RAB20: variants seen among roughly 807,000 people sequenced by gnomAD.
The protein encoded by RAB20 is RAB20, member RAS oncogene family, also known as ras-related protein Rab-20.
In RAB20, 2 loss-of-function variants were observed where a neutral mutation model predicts 3.7. The ratio of observed to expected loss-of-function variants is 0.54; its 90% CI spans 0.22 to 1.69. The LOEUF (loss-of-function observed/expected upper bound fraction) is 1.69. Ranked by LOEUF, RAB20 falls within the 40% of genes most tolerant of loss-of-function variation. The pLI, the probability that RAB20 is intolerant of heterozygous loss-of-function variation, is 0.19. For missense variants in RAB20, 276 were observed against 311.9 expected (o/e 0.88, Z 0.87); for synonymous variants, 126 against 130.8 (o/e 0.96, Z 0.25).
At chr13:110,530,493 A>G (rs113125202) in intron 1 of RAB20, among the ~76,000 whole-genome samples, 594 of 36,280 alleles carry the variant, frequency 0.016, 70 homozygotes, top group Middle Eastern at 0.065. Context: ...ACCCTGGGGA[A>G]GTAGGTCCCA....
intron 1 of RAB20, among the ~76,000 whole-genome samples, chr13:110,544,440 G>A (rs1884817878): frequency 6.6e-6 from 1 of 152,188 alleles, no homozygotes; most frequent in African/African-American, 2.4e-5. Flanking sequence ...TGTAAAAAAT[G>A]CCATTGGAAT....
At chr13:110,534,353 G>A (rs763540029) in intron 1 of RAB20, among the ~76,000 whole-genome samples, 5 of 152,194 alleles carry the variant, frequency 3.3e-5, no homozygotes, top group Non-Finnish European at 7.3e-5. Context: ...GATGGAGGCT[G>A]TCTGCAAAGC....
intron 1 of RAB20, among the ~76,000 whole-genome samples, chr13:110,532,676 C>CTAATT (rs1555335394): frequency 1.3e-5 from 2 of 150,518 alleles, no homozygotes; most frequent in African/African-American, 4.9e-5. Context: ...CACGCCCAGC[C>CTAATT]TATTTAATTA....
chr13:110,559,545 G>C (rs184608686), intron 1 of RAB20, among the ~76,000 whole-genome samples: 1 of 152,330 alleles, frequency 6.6e-6, no homozygotes, highest in African/African-American at 2.4e-5. Flanking sequence ...GGCAAGGGCC[G>C]CCTGAGTGTG....
intron 1 of RAB20, among the ~76,000 whole-genome samples, chr13:110,549,043 C>T (rs34667541): frequency 1.3e-5 from 2 of 152,196 alleles, no homozygotes; most frequent in East Asian, 1.9e-4. Context: ...TAGGACACTA[C>T]CCTGACTTCC....
intron 1 of RAB20, among the ~76,000 whole-genome samples, chr13:110,556,079 T>TC (rs1300620350): frequency 1.3e-5 from 2 of 152,172 alleles, no homozygotes; most frequent in African/African-American, 4.8e-5. Context: ...GCCCCTTTCT[T>TC]CCCTTATTAC....
intron 1 of RAB20, among the ~76,000 whole-genome samples, chr13:110,539,653 G>A (rs1055836786): frequency 1.2e-4 from 18 of 150,138 alleles, no homozygotes; most frequent in Middle Eastern, 6.8e-3. Flanking sequence ...TCCGCTTCCC[G>A]GGCTCAAGCG....
At chr13:110,538,619 GAAAGAAAAGA>G (rs148188599) in intron 1 of RAB20, among the ~76,000 whole-genome samples, 23 of 117,918 alleles carry the variant, frequency 2.0e-4, no homozygotes, top group Admixed American at 7.4e-4. Flanking sequence ...AAAAAAAAAA[GAAAGAAAAGA>G]AAAGAAAAGA....
At chr13:110,533,988 A>G (rs908642305) in intron 1 of RAB20, among the ~76,000 whole-genome samples, 1 of 152,164 alleles carries the variant, frequency 6.6e-6, no homozygotes, top group Non-Finnish European at 1.5e-5. Flanking sequence ...CCAGAGAGCC[A>G]ATGGCTTGCC....
At chr13:110,540,090 G>A (rs1884731391) in intron 1 of RAB20, among the ~76,000 whole-genome samples, 1 of 152,234 alleles carries the variant, frequency 6.6e-6, no homozygotes, top group African/African-American at 2.4e-5. Context: ...CTTCAGACAT[G>A]AATGTACTAA....
intron 1 of RAB20, among the ~76,000 whole-genome samples, chr13:110,552,723 A>G (rs1238252601): frequency 6.7e-6 from 1 of 149,848 alleles, no homozygotes; most frequent in Non-Finnish European, 1.5e-5. Flanking sequence ...AAATAAATAA[A>G]TAAATAAATA....
Position 110,557,366 on chromosome 13 carries a change from G to A in RAB20, c.172+3982C>T, listed in dbSNP as rs145546302. 9.9e-5 allele frequency among the ~76,000 whole-genome samples: 15 copies of A among 152,228 alleles called. No individual in the cohort carries two copies. The East Asian group carries it at 1.4e-3, about 14-fold the overall frequency. ...CAGATAGGATGAGGGAAGAATTGTC[G>A]AACAAAGAGGAGCAGGACTTGGTGA... On this transcript the variant is annotated intron_variant, in intron 1 of 1. Transcript: ENST00000267328.
At chr13:110,538,170 T>C (rs1185454694) in intron 1 of RAB20, among the ~76,000 whole-genome samples, 1 of 140,206 alleles carries the variant, frequency 7.1e-6, no homozygotes, top group African/African-American at 2.7e-5. Context: ...GCCTGGGAGG[T>C]CAAGGCTGCA....
Position 110,561,354 on chromosome 13 carries a change from T to A in RAB20, c.166A>T (p.Thr56Ser). ...CATGCGGCGCCGGCCTCACCTGCGG[T>A]GTCCCAGATGGAGATGTTGTAGGAG... The part of the protein sequence containing the change: ...WRSYNISIWD[T>S]AGREQFHGLG... The change falls in exon 1 of 2, where the codon ACC becomes TCC. Residue 56 changes from threonine to serine, a missense_variant. Coordinates refer to ENST00000267328, the MANE Select transcript of RAB20 (RefSeq NM_017817.3). 1 of 1,601,422 alleles carries A rather than the reference T, an allele frequency of 6.2e-7. No homozygotes were observed. Among genetic ancestry groups the A allele is most frequent in the Non-Finnish European group, 8.5e-7 (1 of 1,174,712 alleles).
chr13:110,523,723 G>GT lies in RAB20; in HGVS notation c.646dup (p.Thr216AsnfsTer8). The GT allele has an allele frequency of 6.2e-7, 1 of 1,614,212 alleles. No individual in the cohort carries two copies. The highest frequency in any genetic ancestry group is 8.5e-7 in the Non-Finnish European group (1 of 1,180,040). ...TGGCTTATGACTGGATATATCCACT[G>GT]TGTGTGACGGCCTCTCAGCTCTCTG... On this transcript the variant is annotated frameshift_variant, in exon 2 of 2. Coordinates refer to ENST00000267328, the MANE Select transcript of RAB20 (RefSeq NM_017817.3). LOFTEE classifies it high-confidence loss of function.
At chr13:110,536,558 A>T (rs2139579141) in intron 1 of RAB20, among the ~76,000 whole-genome samples, 1 of 152,262 alleles carries the variant, frequency 6.6e-6, no homozygotes, top group East Asian at 1.9e-4. Flanking sequence ...CTAAAGGAGA[A>T]GTCAGTGAGG....
At chr13:110,540,220 C>A (rs1304779771) in intron 1 of RAB20, among the ~76,000 whole-genome samples, 5 of 152,386 alleles carry the variant, frequency 3.3e-5, no homozygotes, top group South Asian at 2.1e-4. Context: ...AAAACACACA[C>A]TGGCACATGC....
intron 1 of RAB20, among the ~76,000 whole-genome samples, chr13:110,556,864 T>C (rs941962570): frequency 2.0e-5 from 3 of 152,238 alleles, no homozygotes; most frequent in Admixed American, 6.5e-5. Context: ...TAATTTGTTA[T>C]AGCAGCAATA....
At chr13:110,549,827 G>A (rs990245211) in intron 1 of RAB20, among the ~76,000 whole-genome samples, 2 of 151,854 alleles carry the variant, frequency 1.3e-5, no homozygotes, top group African/African-American at 4.8e-5. Flanking sequence ...GGGTTCGAAC[G>A]ACCCTCTTGC....
Sources: allele counts gnomAD v4.1 joint callset (sites outside exome capture counted in the v4.1 genomes callset), GRCh38; gene constraint gnomAD v4.1.1; transcripts MANE v1.5; gene names NCBI Gene and HGNC (gene_info 2026-07-23, HGNC 2026-07-21).